GALNT18: variants seen among roughly 807,000 people sequenced by gnomAD.
GALNT18 encodes polypeptide N-acetylgalactosaminyltransferase 18, also known as GalNAc-transferase 18.
GALNT18 carries 44 observed loss-of-function variants against 69.5 expected under a neutral mutation model. That is an observed-to-expected ratio of 0.63 (90% confidence interval 0.50 to 0.81). The LOEUF (loss-of-function observed/expected upper bound fraction) is 0.81, where lower values mean the gene tolerates loss of function less well. Ranked by LOEUF, GALNT18 falls within the 40% of genes least tolerant of loss-of-function variation. The probability of loss-of-function intolerance (pLI) is 0.00; values close to 1 mark genes in which losing one functional copy is unlikely to be tolerated. For missense variants in GALNT18, 715 were observed against 810.0 expected (o/e 0.88, Z 1.42); for synonymous variants, 364 against 318.2 (o/e 1.14, Z -1.53).
chr11:11,325,496 C>T (rs2133042425), intron 9 of GALNT18, among the ~76,000 whole-genome samples: 1 of 151,778 alleles, frequency 6.6e-6, no homozygotes, highest in South Asian at 2.1e-4. Flanking sequence ...CCAAAAACCA[C>T]CTGAATCTCA....
Position 11,428,524 on chromosome 11 carries a change from C to T in GALNT18, c.595+4097G>A, listed in dbSNP as rs558459594. On this transcript the variant is annotated intron_variant, in intron 3 of 10. Transcript: ENST00000227756. Reference sequence around the variant, plus strand: ...ACAGCCACATTGCCTCCTGCTGCCTCCCTGTTCCCTCACAGGGCAGGAGAA... The same window carrying T: ...ACAGCCACATTGCCTCCTGCTGCCTTCCTGTTCCCTCACAGGGCAGGAGAA... Among the ~76,000 whole-genome samples the T allele has an allele frequency of 7.4e-4, 112 of 152,358 alleles. 1 individual carries two copies. The highest frequency in any genetic ancestry group is 1.1e-3 in the Non-Finnish European group (73 of 68,038).
intron 1 of GALNT18, among the ~76,000 whole-genome samples, chr11:11,490,234 A>AAG (rs1856738311): frequency 8.0e-6 from 1 of 125,096 alleles, no homozygotes. Context: ...CTCTCTCTCT[A>AAG]ACACACACAC....
chr11:11,388,178 C>T (rs1854097589), intron 3 of GALNT18, among the ~76,000 whole-genome samples: 1 of 152,126 alleles, frequency 6.6e-6, no homozygotes, highest in South Asian at 2.1e-4. Flanking sequence ...TAATAGGCCC[C>T]ACCCATCTGT....
At chr11:11,368,401 G>A (rs1260125712) in intron 6 of GALNT18, among the ~76,000 whole-genome samples, 2 of 151,904 alleles carry the variant, frequency 1.3e-5, no homozygotes, top group African/African-American at 4.8e-5. Context: ...TATGTTTTTT[G>A]CCTAACCCTC....
At chr11:11,498,788 G>T (rs1856917955) in intron 1 of GALNT18, among the ~76,000 whole-genome samples, 1 of 152,170 alleles carries the variant, frequency 6.6e-6, no homozygotes, top group African/African-American at 2.4e-5. Context: ...AACAGAGTGA[G>T]ACTCCATCTC....
rs116467782 is a variant in GALNT18 at position 11,377,670 on chromosome 11, G to A, written c.780-291C>T. On this transcript the variant is annotated intron_variant, in intron 4 of 10. Coordinates refer to ENST00000227756, the MANE Select transcript of GALNT18 (RefSeq NM_198516.3). The surrounding 1 kb of genome is among the most constrained non-coding windows in gnomAD (Gnocchi z 4.6). The stretch of plus-strand genomic sequence containing the variant: ...CTGCTCGCTTTCCCTTTCTCCATTA[G>A]AAAAAAAAAAAATCAAGACTCAAAA... 2.5e-4 allele frequency among the ~76,000 whole-genome samples: 36 copies of A among 146,456 alleles called. No homozygotes were observed. The highest frequency in any genetic ancestry group is 2.4e-4 in the Non-Finnish European group (16 of 66,872).
intron 1 of GALNT18, among the ~76,000 whole-genome samples, chr11:11,549,950 G>A (rs920520479): frequency 1.3e-5 from 2 of 152,232 alleles, no homozygotes; most frequent in Admixed American, 6.5e-5. Context: ...AAGCCAAGCT[G>A]CCAGCCACCC....
chr11:11,282,559 G>A (rs115318839), intron 10 of GALNT18, among the ~76,000 whole-genome samples: 16 of 152,294 alleles, frequency 1.1e-4, no homozygotes, highest in African/African-American at 3.6e-4. Context: ...AGGGGGGTCT[G>A]CCCCCTTTAT....
At chr11:11,302,478 C>A (rs145902956) in intron 9 of GALNT18, among the ~76,000 whole-genome samples, 342 of 152,260 alleles carry the variant, frequency 2.2e-3, no homozygotes, top group African/African-American at 7.0e-3. Flanking sequence ...CCTGCACCCC[C>A]CAGACCAGCC....
intron 9 of GALNT18, among the ~76,000 whole-genome samples, chr11:11,294,031 C>CAAGA (rs1195648447): frequency 2.0e-5 from 3 of 152,164 alleles, no homozygotes; most frequent in Admixed American, 6.5e-5. Context: ...GGGGAGTCCC[C>CAAGA]AAGACCACCC....
chr11:11,416,814 A>T (rs1047888553), intron 3 of GALNT18, among the ~76,000 whole-genome samples: 3 of 152,200 alleles, frequency 2.0e-5, no homozygotes, highest in Non-Finnish European at 4.4e-5. Flanking sequence ...AAGCTAGGGC[A>T]GCGTGGCGAG....
At chr11:11,343,548 C>G (rs1214848734) in intron 6 of GALNT18, among the ~76,000 whole-genome samples, 1 of 152,004 alleles carries the variant, frequency 6.6e-6, no homozygotes, top group East Asian at 1.9e-4. Context: ...GAGAAGGTGG[C>G]GGTGAAGGCC....
At chr11:11,553,829 C>G (rs1268089427) in intron 1 of GALNT18, among the ~76,000 whole-genome samples, 1 of 152,276 alleles carries the variant, frequency 6.6e-6, no homozygotes. Context: ...CCTGCCATGT[C>G]CCTGATTGCA....
At position 11,566,812 on chromosome 11, in the gene GALNT18, A is replaced by ACC. The variant is rs577580006; in HGVS notation, c.235+54545_235+54546dup. 6.4e-3 allele frequency among the ~76,000 whole-genome samples: 980 copies of ACC among 152,328 alleles called. 11 individuals carry two copies. Among genetic ancestry groups the ACC allele is most frequent in the African/African-American group, 0.023 (937 of 41,560 alleles). ...GGTCCTGATGAACAGACCACTTTGA[A>ACC]CCCCTTCCATTCTTCAGACCCCTCT... is the stretch of plus-strand genomic sequence containing the variant. On this transcript the variant is annotated intron_variant, in intron 1 of 10. Coordinates refer to ENST00000227756, the MANE Select transcript of GALNT18 (RefSeq NM_198516.3).
intron 1 of GALNT18, among the ~76,000 whole-genome samples, chr11:11,516,894 G>A (rs1223498472): frequency 2.0e-5 from 3 of 152,202 alleles, no homozygotes; most frequent in Non-Finnish European, 4.4e-5. Flanking sequence ...CAGTGCAATG[G>A]ACTGAATGTA....
intron 10 of GALNT18, among the ~76,000 whole-genome samples, chr11:11,278,761 C>A (rs1015456895): frequency 6.6e-6 from 1 of 151,672 alleles, no homozygotes; most frequent in African/African-American, 2.4e-5. Flanking sequence ...AAATACAGTT[C>A]GATAGAAGGA....
At chr11:11,526,921 G>A (rs1857538817) in intron 1 of GALNT18, among the ~76,000 whole-genome samples, 3 of 152,156 alleles carry the variant, frequency 2.0e-5, no homozygotes. Context: ...CTCTAAGATG[G>A]ACAGGTTCCT....
chr11:11,284,908 GTTTTTTT>G (rs58795517), intron 10 of GALNT18, among the ~76,000 whole-genome samples: 1,010 of 82,864 alleles, frequency 0.012, 39 homozygotes, highest in African/African-American at 0.058. Flanking sequence ...AGACTTTCGT[GTTTTTTT>G]TTTTTTTTTT....
chr11:11,296,991 C>T (rs1849413178), intron 9 of GALNT18, among the ~76,000 whole-genome samples: 1 of 152,162 alleles, frequency 6.6e-6, no homozygotes, highest in African/African-American at 2.4e-5. Context: ...GCTTTCTGAG[C>T]AATGGGGACT....
Sources: allele counts gnomAD v4.1 joint callset (sites outside exome capture counted in the v4.1 genomes callset), GRCh38; gene constraint gnomAD v4.1.1; non-coding constraint Gnocchi (gnomAD v3.1); transcripts MANE v1.5; gene names NCBI Gene and HGNC (gene_info 2026-07-23, HGNC 2026-07-21).